Variants in RMDN1 observed in about 807,000 individuals in gnomAD.
The protein encoded by RMDN1 is regulator of microtubule dynamics protein 1.
RMDN1 carries 48 observed loss-of-function variants against 48.9 expected under a neutral mutation model. The observed-to-expected ratio is 0.98, with a 90% confidence interval of 0.78 to 1.25. RMDN1 has a LOEUF of 1.25. RMDN1 is among the 50% of genes most tolerant of loss of function. RMDN1 has a pLI of 0.00. For missense variants in RMDN1, 418 were observed against 373.4 expected (o/e 1.12, Z -0.98); for synonymous variants, 148 against 132.6 (o/e 1.12, Z -0.80).
intron 2 of RMDN1, among the ~76,000 whole-genome samples, chr8:86,495,436 A>G (rs1480264866): frequency 1.3e-5 from 2 of 152,152 alleles, no homozygotes; most frequent in African/African-American, 4.8e-5. Flanking sequence ...CAGAGGGTTT[A>G]GCATGGGAAC....
chr8:86,514,216 T>G (rs1820194150), intron 1 of RMDN1: 1 of 975,320 alleles, frequency 1.0e-6, no homozygotes, highest in Non-Finnish European at 1.2e-6. Flanking sequence ...CTTAAGGAAT[T>G]TATTTTGGTG....
chr8:86,474,724 A>G (rs911691437), intron 9 of RMDN1, 96 bp downstream of exon 9: 6 of 1,077,194 alleles, frequency 5.6e-6, no homozygotes, highest in Admixed American at 5.5e-5. Context: ...CAACAATATT[A>G]TGCATTTAGA....
At position 86,478,951 on chromosome 8, in the gene RMDN1, G is replaced by C. The variant is rs751214829; in HGVS notation, c.701C>G (p.Ala234Gly). 3.1e-6 allele frequency: 5 copies of C among 1,613,844 alleles called. No homozygotes were observed. The highest frequency in any genetic ancestry group is 4.2e-6 in the Non-Finnish European group (5 of 1,179,768). The change falls in exon 7 of 10, where the codon GCA becomes GGA. Residue 234 changes from alanine to glycine, a missense_variant. Ala to Gly is a moderately conservative substitution (Grantham distance 60). Coordinates refer to ENST00000406452, the MANE Select transcript of RMDN1 (RefSeq NM_016033.3). ...CTCATAGGTGGAACTAGGAGGAGTT[G>C]CAAACAGCATTTTAGCAATTCTTCT... Reference protein sequence around the residue: ...YQRRIAKMLFATPPSSTYEKA... With the variant: ...YQRRIAKMLFGTPPSSTYEKA...
At chr8:86,508,856 G>A, upstream of RMDN1, 2 of 1,201,106 alleles carry the variant, frequency 1.7e-6, no homozygotes, top group Non-Finnish European at 2.1e-6. Context: ...CTGCGTCCAG[G>A]ACTGAGGCCG....
chr8:86,494,152 A>C (rs1816943037), intron 2 of RMDN1, among the ~76,000 whole-genome samples: 1 of 152,228 alleles, frequency 6.6e-6, no homozygotes, highest in South Asian at 2.1e-4. Flanking sequence ...TGATAACCAT[A>C]GTTAATAATA....
chr8:86,473,625 G>C lies in RMDN1; in HGVS notation c.*683C>G, dbSNP rs997379165. 1 of 365,976 alleles carries C rather than the reference G, an allele frequency of 2.7e-6. No individual in the cohort carries two copies. The highest frequency in any genetic ancestry group is 2.2e-5 in the African/African-American group (1 of 45,278). The allele number at this position is 365,976 out of a possible 1,614,324, so 22.7% of individuals were successfully genotyped here. A position where few individuals can be genotyped will look rare whatever the true frequency, so the allele number is the denominator to read the frequency against. ...TACCAAAAATACAAAAGTTAGCCGA[G>C]TGTGGTGGTACAACCCTGTAATCCC... is the stretch of plus-strand genomic sequence containing the variant. On this transcript the variant is annotated 3_prime_UTR_variant, in exon 10 of 10. Coordinates refer to ENST00000406452, the MANE Select transcript of RMDN1 (RefSeq NM_016033.3).
At chr8:86,508,920 G>A (rs530854518), upstream of RMDN1, 5 of 555,006 alleles carry the variant, frequency 9.0e-6, no homozygotes, top group Non-Finnish European at 1.3e-5. Flanking sequence ...CTCTCTAGGG[G>A]GTCTTTCATG....
intron 2 of RMDN1, chr8:86,504,916 T>G: frequency 8.5e-7 from 1 of 1,170,910 alleles, no homozygotes; most frequent in Non-Finnish European, 1.3e-6. Context: ...ACCTTTACCT[T>G]CTTCAAAGTC....
In RMDN1 at chr8:86,506,279, T is replaced by TC. The variant is rs546505171; in HGVS notation, c.247+715dup. ...TTTTAACTCATATCTTTAAAGGAAT[T>TC]CCCCAAAGAATGTTTATAGCTAACT... On this transcript the variant is annotated intron_variant, in intron 2 of 9. Coordinates refer to ENST00000406452, the MANE Select transcript of RMDN1 (RefSeq NM_016033.3). Among the ~76,000 whole-genome samples the TC allele has an allele frequency of 2.2e-4, 33 of 152,352 alleles. No homozygotes were observed. The East Asian group carries it at 5.4e-3, about 25-fold the overall frequency.
intron 2 of RMDN1, among the ~76,000 whole-genome samples, chr8:86,501,670 A>G (rs78721148): frequency 3.2e-3 from 12 of 3,698 alleles, no homozygotes; most frequent in Admixed American, 0.013. Context: ...CCCTGTCTCA[A>G]AAAAAAAATA....
At chr8:86,496,256 C>G (rs996511323) in intron 2 of RMDN1, among the ~76,000 whole-genome samples, 4 of 152,194 alleles carry the variant, frequency 2.6e-5, no homozygotes, top group African/African-American at 9.7e-5. Flanking sequence ...CACATAATAA[C>G]TAGCTAACCA....
chr8:86,477,534 C>T (rs185187473), intron 7 of RMDN1: 7 of 428,798 alleles, frequency 1.6e-5, no homozygotes, highest in Non-Finnish European at 2.9e-5. Flanking sequence ...TGGACTACTT[C>T]TGGTAATAAC....
intron 2 of RMDN1, among the ~76,000 whole-genome samples, chr8:86,505,905 ATAAAGT>A (rs1427734598): frequency 6.6e-6 from 1 of 152,224 alleles, no homozygotes; most frequent in Non-Finnish European, 1.5e-5. Flanking sequence ...TGCCTACATA[ATAAAGT>A]TATTGATTTC....
At chr8:86,502,711 T>C (rs1818466273) in intron 2 of RMDN1, among the ~76,000 whole-genome samples, 1 of 152,142 alleles carries the variant, frequency 6.6e-6, no homozygotes, top group African/African-American at 2.4e-5. Flanking sequence ...TCAAGAAGAA[T>C]ATAACACCCC....
chr8:86,471,060 C>T (rs1484070543), downstream of RMDN1, among the ~76,000 whole-genome samples: 3 of 151,284 alleles, frequency 2.0e-5, no homozygotes, highest in Admixed American at 6.6e-5. Context: ...TGGTCTGTAC[C>T]AATGTCAGTT....
At chr8:86,485,619 A>C (rs1815337719) in intron 4 of RMDN1, among the ~76,000 whole-genome samples, 2 of 152,190 alleles carry the variant, frequency 1.3e-5, no homozygotes, top group Non-Finnish European at 2.9e-5. Context: ...CTTTTCTTGG[A>C]GTTCCATCTA....
exon 1 of RMDN1, chr8:86,514,267 TAAGCGACTGGCCTCCAGAATGGCCTCG>T (rs1305611847): frequency 1.0e-6 from 1 of 985,230 alleles, no homozygotes; most frequent in African/African-American, 1.7e-5. Context: ...GCCTTTTCAG[TAAGCGACTGGCCTCCAGAATGGCCTCG>T]AAGCGCCAGC....
chr8:86,496,002 AT>A (rs1817280944), intron 2 of RMDN1, among the ~76,000 whole-genome samples: 1 of 152,154 alleles, frequency 6.6e-6, no homozygotes, highest in Non-Finnish European at 1.5e-5. Flanking sequence ...TATATTCAAC[AT>A]CCTTAAAGAA....
chr8:86,477,355 T>TA (rs772294406), intron 7 of RMDN1, 31 bp from the exon 8 acceptor site: 2 of 1,544,118 alleles, frequency 1.3e-6, no homozygotes, highest in Non-Finnish European at 1.8e-6. Context: ...CCAAACATAA[T>TA]AAAAAAGATT....
Sources: allele counts gnomAD v4.1 joint callset (sites outside exome capture counted in the v4.1 genomes callset), GRCh38; gene constraint gnomAD v4.1.1; transcripts MANE v1.5; gene names NCBI Gene and HGNC (gene_info 2026-07-23, HGNC 2026-07-21).